The following PCDHA3 variants were observed in gnomAD, a reference collection of about 807,000 sequenced individuals.
PCDHA3 encodes protocadherin alpha 3, also known as protocadherin alpha-3.
In PCDHA3, 41 loss-of-function variants were observed where a neutral mutation model predicts 62.2. The ratio of observed to expected loss-of-function variants is 0.66; its 90% CI spans 0.51 to 0.86. PCDHA3 has a LOEUF of 0.86. Ranked by LOEUF, PCDHA3 falls within the 40% of genes least tolerant of loss-of-function variation. PCDHA3 has a pLI of 0.00. For synonymous variants in PCDHA3, 640 were observed against 555.4 expected (o/e 1.15, Z -2.14); for missense variants, 1,304 against 1,241.2 (o/e 1.05, Z -0.76).
chr5:140,873,534 T>C (rs1274405604), intron 1 of PCDHA3, among the ~76,000 whole-genome samples: 1 of 152,184 alleles, frequency 6.6e-6, no homozygotes, highest in Non-Finnish European at 1.5e-5. Context: ...CATTCTATGG[T>C]ATAAAATTAT....
chr5:140,851,180 A>C lies in PCDHA3; in HGVS notation c.2394+47589A>C, dbSNP rs554158546. 42 of 1,251,052 alleles carry C rather than the reference A, an allele frequency of 3.4e-5. 2 individuals are homozygous for C. In the African/African-American group the frequency reaches 5.9e-4, roughly 18 times the overall value. 77.5% of individuals were successfully genotyped at this position (1,251,052 alleles called of 1,614,324 possible). On this transcript the variant is annotated intron_variant, in intron 1 of 3. Coordinates refer to ENST00000522353, the MANE Select transcript of PCDHA3 (RefSeq NM_018906.3). Reference sequence around the variant, plus strand: ...ATGCTATGCTGCCATAACACTTGAAAACCAATTTAGTTGTTAGTCATTCAT... The same window carrying C: ...ATGCTATGCTGCCATAACACTTGAACACCAATTTAGTTGTTAGTCATTCAT...
At chr5:140,921,616 A>C (rs1369093554) in intron 1 of PCDHA3, among the ~76,000 whole-genome samples, 1 of 152,222 alleles carries the variant, frequency 6.6e-6, no homozygotes, top group African/African-American at 2.4e-5. Flanking sequence ...GAAAAATATC[A>C]TCAGATCATC....
At chr5:140,982,675 T>C in intron 3 of PCDHA3, 112 bp downstream of exon 3, 1 of 1,441,782 alleles carries the variant, frequency 6.9e-7, no homozygotes, top group Non-Finnish European at 9.1e-7. Flanking sequence ...ATTTTTGTTA[T>C]TCCCTTTTTT....
At position 140,929,224 on chromosome 5, in the gene PCDHA3, G is replaced by A. The variant is rs138816649; in HGVS notation, c.2395-49725G>A. 8.1e-6 allele frequency: 13 copies of A among 1,613,792 alleles called. No individual in the cohort carries two copies. In the African/African-American group the frequency reaches 1.5e-4, roughly 18 times the overall value. ...GCTGTTGCGTGGGGAGTACAATGCT[G>A]CCGACCTGCGAAATCTTGCCACTGG... On this transcript the variant is annotated intron_variant, in intron 1 of 3. Transcript: ENST00000522353.
intron 1 of PCDHA3, chr5:140,804,679 A>G (rs1763436952): frequency 6.2e-6 from 1 of 160,822 alleles, no homozygotes; most frequent in Admixed American, 6.4e-5. Context: ...GAAAACTCCA[A>G]ATAACCAGAA....
chr5:141,003,740 C>T (rs1490080996), intron 3 of PCDHA3, among the ~76,000 whole-genome samples: 1 of 152,146 alleles, frequency 6.6e-6, no homozygotes, highest in African/African-American at 2.4e-5. Flanking sequence ...AAAGCAAAAC[C>T]ATATTTTGTA....
At chr5:140,838,612 A>G (rs1326287987) in intron 1 of PCDHA3, among the ~76,000 whole-genome samples, 1 of 152,002 alleles carries the variant, frequency 6.6e-6, no homozygotes, top group Non-Finnish European at 1.5e-5. Flanking sequence ...GACTTTTAAA[A>G]ATTTTTTACA....
chr5:140,891,241 G>A (rs2153433469), intron 1 of PCDHA3, among the ~76,000 whole-genome samples: 1 of 152,200 alleles, frequency 6.6e-6, no homozygotes, highest in Middle Eastern at 3.4e-3. Flanking sequence ...TCTGGATTCA[G>A]TAGGATTTTT....
intron 1 of PCDHA3, among the ~76,000 whole-genome samples, chr5:140,964,472 T>C (rs1160731930): frequency 6.6e-6 from 1 of 152,074 alleles, no homozygotes; most frequent in Non-Finnish European, 1.5e-5. Context: ...GTGCCTATGA[T>C]TTTTTCACAG....
At chr5:140,928,657 G>T in intron 1 of PCDHA3, 1 of 1,614,220 alleles carries the variant, frequency 6.2e-7, no homozygotes, top group Admixed American at 1.7e-5. Flanking sequence ...AGAGGATGCT[G>T]ACAGTGGTTC....
chr5:140,985,643 A>G (rs564908892), intron 3 of PCDHA3, among the ~76,000 whole-genome samples: 1 of 151,200 alleles, frequency 6.6e-6, no homozygotes, highest in Non-Finnish European at 1.5e-5. Context: ...TCATCCCAAC[A>G]CTTGCAATGG....
chr5:140,915,626 G>GTCCC (rs1554196996), intron 1 of PCDHA3, among the ~76,000 whole-genome samples: 2 of 146,436 alleles, frequency 1.4e-5, no homozygotes, highest in Non-Finnish European at 3.0e-5. Flanking sequence ...GTCTCTTTCT[G>GTCCC]TCTCTCTCTC....
At chr5:140,875,536 G>A (rs2055577552) in intron 1 of PCDHA3, 2 of 1,614,130 alleles carry the variant, frequency 1.2e-6, no homozygotes, top group Non-Finnish European at 1.7e-6. Flanking sequence ...TCTGCTCCTT[G>A]CAGCCTGGGA....
chr5:140,834,707 G>T, intron 1 of PCDHA3: 1 of 1,614,262 alleles, frequency 6.2e-7, no homozygotes, highest in Non-Finnish European at 8.5e-7. Flanking sequence ...ACCTGGAGGT[G>T]ATCGTGGAAA....
At chr5:140,808,805 G>A in intron 1 of PCDHA3, 2 of 1,612,690 alleles carry the variant, frequency 1.2e-6, no homozygotes, top group Non-Finnish European at 1.7e-6. Context: ...CGCTCGCGAT[G>A]CCGGCGTGCC....
chr5:140,881,837 A>G (rs1554172601), intron 1 of PCDHA3, among the ~76,000 whole-genome samples: 1 of 152,238 alleles, frequency 6.6e-6, no homozygotes, highest in Admixed American at 6.5e-5. Flanking sequence ...TTCTGCATGG[A>G]ATTCTTACAC....
intron 1 of PCDHA3, among the ~76,000 whole-genome samples, chr5:140,938,899 A>G (rs1175857132): frequency 1.3e-5 from 2 of 152,000 alleles, no homozygotes; most frequent in African/African-American, 2.4e-5. Context: ...ACAGATGCGC[A>G]CACACACACA....
Position 140,802,506 on chromosome 5 carries a change from G to A in PCDHA3, c.1309G>A (p.Ala437Thr), listed in dbSNP as rs533106648. ...GGACGGGGGCTCGCCTTCACTGTGG[G>A]CCACGGCCAGCGTGTCCGTGGAGGT... Reference protein sequence around the residue: ...ARDGGSPSLWATASVSVEVAD... With the variant: ...ARDGGSPSLWTTASVSVEVAD... Residue 437 changes from alanine to threonine, a missense_variant, in exon 1 of 4, where the codon GCC (alanine) becomes ACC (threonine). Transcript: ENST00000522353. 6.2e-7 allele frequency: 1 copy of A among 1,614,180 alleles called. No individual in the cohort carries two copies. Among genetic ancestry groups the A allele is most frequent in the African/African-American group, 1.3e-5 (1 of 75,064 alleles).
At chr5:140,864,940 G>T (rs528676037) in intron 1 of PCDHA3, 4 of 152,296 alleles carry the variant, frequency 2.6e-5, no homozygotes, top group African/African-American at 9.6e-5. Flanking sequence ...TCTCAGGCCT[G>T]TAATCCCAGC....
Sources: allele counts gnomAD v4.1 joint callset (sites outside exome capture counted in the v4.1 genomes callset), GRCh38; gene constraint gnomAD v4.1.1; transcripts MANE v1.5; gene names NCBI Gene and HGNC (gene_info 2026-07-23, HGNC 2026-07-21).